The following ADCK1 variants were observed in gnomAD, a reference collection of about 807,000 sequenced individuals.
The protein encoded by ADCK1 is aarF domain-containing protein kinase 1.
In ADCK1, 41 loss-of-function variants were observed where a neutral mutation model predicts 52.3. The observed-to-expected ratio is 0.78, with a 90% CI of 0.61 to 1.02. The LOEUF (loss-of-function observed/expected upper bound fraction) is 1.02, where lower values mean the gene tolerates loss of function less well. Among genes scored for constraint, ADCK1 ranks in the 50% least tolerant of loss-of-function variants. The probability of loss-of-function intolerance (pLI) is 0.00; values close to 1 mark genes in which losing one functional copy is unlikely to be tolerated. For missense variants in ADCK1, 658 were observed against 679.5 expected (o/e 0.97, Z 0.35); for synonymous variants, 250 against 274.6 (o/e 0.91, Z 0.89).
At chr14:77,895,543 AAG>A (rs1475212831) in intron 5 of ADCK1, among the ~76,000 whole-genome samples, 1 of 152,256 alleles carries the variant, frequency 6.6e-6, no homozygotes, top group Admixed American at 6.5e-5. Flanking sequence ...AAAAATCAAA[AAG>A]TCAAATTGAT....
chr14:77,824,365 C>T (rs937212798), intron 3 of ADCK1, among the ~76,000 whole-genome samples: 1 of 151,982 alleles, frequency 6.6e-6, no homozygotes, highest in Non-Finnish European at 1.5e-5. Context: ...CCTTAATAAT[C>T]TCTAATAGAT....
chr14:77,859,183 G>A lies in ADCK1; in HGVS notation c.327G>A (p.Glu109=), dbSNP rs750345682. 3 of 1,613,976 alleles carry A rather than the reference G, an allele frequency of 1.9e-6. No homozygotes were observed. Among genetic ancestry groups the A allele is most frequent in the Non-Finnish European group, 2.5e-6 (3 of 1,180,016 alleles). Residue 109 remains glutamate, a synonymous_variant, in exon 4 of 11, where the codon GAG becomes GAA. Transcript: ENST00000238561. The part of the protein sequence containing the change: ...HLGALDYLLP[E]EYTSTLKVLH... ...GGGCTCTGGACTACCTGTTGCCAGAGGAGTACACCAGCACGCTGAAGGTAC... is the reference window on the plus strand; with the variant it reads ...GGGCTCTGGACTACCTGTTGCCAGAAGAGTACACCAGCACGCTGAAGGTAC...
rs557132626 is a variant in ADCK1 at position 77,924,555 on chromosome 14, C to A, written c.957C>A (p.His319Gln). Residue 319 changes from histidine (H) to glutamine (Q), a missense_variant, in exon 8 of 11, where the codon CAC (histidine) becomes CAA (glutamine). Transcript: ENST00000238561. The stretch of plus-strand genomic sequence containing the variant: ...CCGGCAATGTACTGGTGCGGAAGCA[C>A]CCCGGCACGGGAAAGGCGGAGATTG... ...PHPGNVLVRK[H>Q]PGTGKAEIVL... 12 of 1,613,892 alleles carry A rather than the reference C, an allele frequency of 7.4e-6. No individual in the cohort carries two copies. Among genetic ancestry groups the A allele is most frequent in the Non-Finnish European group, 9.3e-6 (11 of 1,180,056 alleles).
At chr14:77,885,170 A>G (rs1251282096) in intron 4 of ADCK1, among the ~76,000 whole-genome samples, 1 of 152,230 alleles carries the variant, frequency 6.6e-6, no homozygotes, top group African/African-American at 2.4e-5. Context: ...TGGGGTTTAC[A>G]GGGATGATGA....
At chr14:77,868,681 T>C (rs2082713148) in intron 4 of ADCK1, among the ~76,000 whole-genome samples, 2 of 152,116 alleles carry the variant, frequency 1.3e-5, no homozygotes, top group Admixed American at 1.3e-4. Context: ...TCTGGATTGT[T>C]CCATACCCAC....
chr14:77,925,522 A>C (rs771755372), intron 8 of ADCK1, among the ~76,000 whole-genome samples: 5 of 152,238 alleles, frequency 3.3e-5, no homozygotes, highest in Non-Finnish European at 5.9e-5. Context: ...GTACCTGGGA[A>C]GAGGAGGAGA....
chr14:77,803,947 C>G (rs542566697), intron 1 of ADCK1, among the ~76,000 whole-genome samples: 31 of 152,210 alleles, frequency 2.0e-4, no homozygotes, highest in Non-Finnish European at 4.3e-4. Context: ...GCTGAGCCAC[C>G]TGGGACAAAT....
chr14:77,898,735 A>G (rs1398022287), intron 5 of ADCK1, among the ~76,000 whole-genome samples: 2 of 152,192 alleles, frequency 1.3e-5, no homozygotes, highest in Non-Finnish European at 2.9e-5. Context: ...GCAGTAAACC[A>G]CCATGACACA....
At chr14:77,830,045 G>A (rs2081807713) in intron 3 of ADCK1, among the ~76,000 whole-genome samples, 1 of 151,394 alleles carries the variant, frequency 6.6e-6, no homozygotes, top group Non-Finnish European at 1.5e-5. Flanking sequence ...CAGGTTTTAA[G>A]CCATAGACAA....
chr14:77,926,801 A>G (rs1300044818), intron 9 of ADCK1, among the ~76,000 whole-genome samples: 1 of 152,140 alleles, frequency 6.6e-6, no homozygotes, highest in Non-Finnish European at 1.5e-5. Flanking sequence ...ACCTCCACCC[A>G]GTACTCAGAC....
Position 77,857,629 on chromosome 14 carries a change from CA to C in ADCK1, c.220-1440del, listed in dbSNP as rs766772647. On this transcript the variant is annotated intron_variant, in intron 3 of 10. Coordinates refer to ENST00000238561, the MANE Select transcript of ADCK1 (RefSeq NM_020421.4). ...GTGGGAGCTAAAACAAAAACGAAAA[CA>C]AAAAAACTTCTTAATTTCTAAATTT... Among the ~76,000 whole-genome samples, 117 of 152,122 alleles carry C rather than the reference CA, an allele frequency of 7.7e-4. No individual in the cohort carries two copies. The Middle Eastern group carries it at 0.01, about 13-fold the overall frequency.
intron 6 of ADCK1, among the ~76,000 whole-genome samples, chr14:77,906,679 T>A (rs1194378584): frequency 2.6e-5 from 4 of 152,246 alleles, no homozygotes; most frequent in Non-Finnish European, 4.4e-5. Context: ...TAAATTTTTT[T>A]ATTTTTCCTC....
chr14:77,818,028 A>G (rs532146521), intron 1 of ADCK1, among the ~76,000 whole-genome samples: 51 of 151,844 alleles, frequency 3.4e-4, no homozygotes, highest in South Asian at 8.3e-4. Context: ...GTGAGCCACC[A>G]CGCTGGGCCT....
intron 4 of ADCK1, among the ~76,000 whole-genome samples, chr14:77,875,809 G>A (rs928017486): frequency 6.6e-6 from 1 of 152,156 alleles, no homozygotes; most frequent in African/African-American, 2.4e-5. Flanking sequence ...AGGAAGCCCA[G>A]GAGGGAAACA....
At chr14:77,888,004 C>G (rs954851328) in intron 5 of ADCK1, among the ~76,000 whole-genome samples, 9 of 152,216 alleles carry the variant, frequency 5.9e-5, no homozygotes, top group African/African-American at 1.7e-4. Flanking sequence ...TGAGGGTCTT[C>G]TGCACCCTAT....
intron 1 of ADCK1, among the ~76,000 whole-genome samples, chr14:77,806,980 G>A (rs897649494): frequency 4.0e-5 from 6 of 149,266 alleles, no homozygotes; most frequent in Non-Finnish European, 7.4e-5. Flanking sequence ...CTCCCAAAGC[G>A]TTGGGATTAC....
chr14:77,837,630 A>T lies in ADCK1; in HGVS notation c.219+15112A>T, dbSNP rs578065306. On this transcript the variant is annotated intron_variant, in intron 3 of 10. Transcript: ENST00000238561. ...CTGTAACCACTCTACTCCCCGGCTC[A>T]CTAATCTGGACTGGATGAGCTCCCA... Among the ~76,000 whole-genome samples, 444 of 152,284 alleles carry T rather than the reference A, an allele frequency of 2.9e-3. 2 individuals are homozygous for T. Among genetic ancestry groups the T allele is most frequent in the Middle Eastern group, 0.014 (4 of 294 alleles).
At chr14:77,819,264 A>G in intron 2 of ADCK1, 151 bp downstream of exon 2, 6 of 1,074,782 alleles carry the variant, frequency 5.6e-6, no homozygotes, top group Non-Finnish European at 6.6e-6. Flanking sequence ...AGGTGTACAC[A>G]TATGGATGTG....
At chr14:77,839,847 A>G (rs1189655829) in intron 3 of ADCK1, among the ~76,000 whole-genome samples, 4 of 146,602 alleles carry the variant, frequency 2.7e-5, no homozygotes, top group African/African-American at 1.0e-4. Context: ...TGAACCCGGG[A>G]AGTCGAGGCT....
Sources: gnomAD v4.1 joint callset for allele counts (sites outside exome capture counted in the v4.1 genomes callset) on GRCh38, gnomAD v4.1.1 for gene constraint, MANE v1.5 for transcripts, NCBI Gene and HGNC (gene_info 2026-07-23, HGNC 2026-07-21) for gene names.